TOM1: variants seen among roughly 807,000 people sequenced by gnomAD.
TOM1 encodes the protein target of Myb protein 1.
A neutral mutation model predicts 61.3 loss-of-function variants in TOM1; 38 were observed. The observed-to-expected ratio is 0.62, with a 90% CI of 0.48 to 0.81. TOM1 has a LOEUF of 0.81. TOM1 is among the 40% of genes least tolerant of loss of function. The probability of loss-of-function intolerance (pLI) is 0.00; values close to 1 mark genes in which losing one functional copy is unlikely to be tolerated. For synonymous variants in TOM1, 270 were observed against 268.8 expected (o/e 1.00, Z -0.04); for missense variants, 591 against 659.6 (o/e 0.90, Z 1.14).
At position 35,322,874 on chromosome 22, in the gene TOM1, C is replaced by A. The variant is rs1326776179; in HGVS notation, c.217-154C>A. 3.3e-6 allele frequency: 3 copies of A among 906,626 alleles called. No individual in the cohort carries two copies. The East Asian group carries it at 8.0e-5, about 24-fold the overall frequency. The allele number at this position is 906,626 out of a possible 1,614,324, so 56.2% of individuals were successfully genotyped here. A position where few individuals can be genotyped will look rare whatever the true frequency, so the allele number is the denominator to read the frequency against. On this transcript the variant is annotated intron_variant, in intron 3 of 14. Coordinates refer to ENST00000449058, the MANE Select transcript of TOM1 (RefSeq NM_005488.3). ...ACAAGTCCCCCAGTCCTGGCATTGT[C>A]CCAGTCCTCCACATTCAAGGGTCTC...
chr22:35,331,168 T>A (rs915418613), intron 8 of TOM1: 25 of 358,092 alleles, frequency 7.0e-5, no homozygotes, highest in African/African-American at 5.6e-4. Context: ...TGATCACAGC[T>A]CACTGCAGCC....
In TOM1 at chr22:35,330,471, G is replaced by A. The variant is rs191996137; in HGVS notation, c.890G>A (p.Arg297His). The stretch of plus-strand genomic sequence containing the variant: ...GACAATCTCAACAATGTGTTCCTGC[G>A]CCATGAACGGTAGCCCCAGCACCTC... ...VNDNLNNVFLRHERFERFRTG... is the reference protein window; with the variant it reads ...VNDNLNNVFLHHERFERFRTG... The change falls in exon 8 of 15, where the codon CGC (arginine) becomes CAC (histidine). Residue 297 changes from arginine (R) to histidine (H), a missense_variant. Coordinates refer to ENST00000449058, the MANE Select transcript of TOM1 (RefSeq NM_005488.3). The A allele has an allele frequency of 3.2e-5, 52 of 1,611,174 alleles. No individual in the cohort carries two copies. Among genetic ancestry groups the A allele is most frequent in the East Asian group, 1.1e-4 (5 of 44,694 alleles).
chr22:35,313,006 G>A (rs948486065), intron 1 of TOM1, among the ~76,000 whole-genome samples: 3 of 152,138 alleles, frequency 2.0e-5, no homozygotes, highest in Non-Finnish European at 2.9e-5. Flanking sequence ...GGATGGGAGC[G>A]AGCGGGCTCC....
chr22:35,333,323 C>A, intron 9 of TOM1, 81 bp from the exon 10 acceptor site: 2 of 1,342,806 alleles, frequency 1.5e-6, no homozygotes, highest in East Asian at 2.3e-5. Context: ...CTGGGCAAAG[C>A]CTGCAAGCCA....
intron 1 of TOM1, among the ~76,000 whole-genome samples, chr22:35,301,196 C>T (rs1039241025): frequency 1.3e-5 from 2 of 152,162 alleles, no homozygotes; most frequent in African/African-American, 4.8e-5. Flanking sequence ...CACTGTACTC[C>T]AGCCTGGACG....
chr22:35,317,590 C>T (rs190906500), intron 1 of TOM1, among the ~76,000 whole-genome samples: 24 of 152,320 alleles, frequency 1.6e-4, no homozygotes, highest in Non-Finnish European at 3.1e-4. Flanking sequence ...CGGAGGCCCA[C>T]CTAGATTCCC....
chr22:35,322,959 G>C lies in TOM1; in HGVS notation c.217-69G>C, dbSNP rs754908920. ...CTCTCTGGGACACAGGAGGAGCCAC[G>C]AGGGTGGGGGTTCTGAGCACCTCCT... On this transcript the variant is annotated intron_variant, in intron 3 of 14. Coordinates refer to ENST00000449058, the MANE Select transcript of TOM1 (RefSeq NM_005488.3). 1.9e-6 allele frequency: 3 copies of C among 1,575,072 alleles called. No individual in the cohort carries two copies. The African/African-American group carries it at 4.1e-5, about 21-fold the overall frequency.
At chr22:35,343,587 TAC>T (rs1450588694) in intron 12 of TOM1, among the ~76,000 whole-genome samples, 1 of 73,912 alleles carries the variant, frequency 1.4e-5, no homozygotes, top group East Asian at 5.4e-4. Flanking sequence ...CTCATACACC[TAC>T]ACACACCCCT....
intron 7 of TOM1, among the ~76,000 whole-genome samples, chr22:35,329,521 C>A (rs1296961476): frequency 6.6e-6 from 1 of 152,216 alleles, no homozygotes; most frequent in Non-Finnish European, 1.5e-5. Flanking sequence ...CTTTGCATCT[C>A]TTCTGTAAAT....
intron 1 of TOM1, among the ~76,000 whole-genome samples, chr22:35,314,319 G>A (rs553441637): frequency 3.9e-5 from 6 of 151,976 alleles, no homozygotes; most frequent in Non-Finnish European, 8.8e-5. Flanking sequence ...TTCTCGTTTA[G>A]GCCACATATC....
At chr22:35,340,964 G>A (rs1308525151) in intron 12 of TOM1, among the ~76,000 whole-genome samples, 1 of 152,210 alleles carries the variant, frequency 6.6e-6, no homozygotes, top group Non-Finnish European at 1.5e-5. Context: ...CACCCAGTGG[G>A]CAACAAGAGA....
intron 1 of TOM1, among the ~76,000 whole-genome samples, chr22:35,311,631 A>G (rs1926833756): frequency 6.6e-6 from 1 of 152,232 alleles, no homozygotes; most frequent in Non-Finnish European, 1.5e-5. Flanking sequence ...GGTGGGCCCC[A>G]GAAGGTCTGC....
Position 35,336,320 on chromosome 22 carries a change from T to C in TOM1, c.1148+1872T>C, listed in dbSNP as rs1601707582. ...ATGCTTCTGGTGGATCTTCCAGCTC[T>C]GGTCACCTGACTGGCCTTTTCTGCC... On this transcript the variant is annotated intron_variant, in intron 11 of 14. Transcript: ENST00000449058. Among the ~76,000 whole-genome samples, 3 of 152,266 alleles carry C rather than the reference T, an allele frequency of 2.0e-5. No individual in the cohort carries two copies. In the East Asian group the frequency reaches 5.8e-4, roughly 29 times the overall value.
intron 11 of TOM1, among the ~76,000 whole-genome samples, chr22:35,337,679 G>A (rs1277104881): frequency 6.6e-6 from 1 of 152,244 alleles, no homozygotes; most frequent in Non-Finnish European, 1.5e-5. Flanking sequence ...TAAATGTGAT[G>A]CAGTCCCAGT....
chr22:35,316,621 C>T (rs138781), intron 1 of TOM1, among the ~76,000 whole-genome samples: 76,336 of 152,128 alleles, frequency 0.5, 22,675 homozygotes, highest in Non-Finnish European at 0.66. Context: ...ACTCTGCAGC[C>T]GACTCCCGGC....
rs111396171 is a variant in TOM1, at chr22:35,322,247, G to A, written c.216+210G>A. On this transcript the variant is annotated intron_variant, in intron 3 of 14. Coordinates refer to ENST00000449058, the MANE Select transcript of TOM1 (RefSeq NM_005488.3). The stretch of plus-strand genomic sequence containing the variant: ...AGGTTCTCCCCAATCCCCCAGCATG[G>A]GAACAGACGCTTACATCACTCCAGA... 533 of 568,754 alleles carry A rather than the reference G, an allele frequency of 9.4e-4. 5 individuals are homozygous for A. Among genetic ancestry groups the A allele is most frequent in the African/African-American group, 9.0e-3 (481 of 53,310 alleles). 35.2% of individuals were successfully genotyped at this position (568,754 alleles called of 1,614,324 possible). A position where few individuals can be genotyped will look rare whatever the true frequency, so the allele number is the denominator to read the frequency against.
At chr22:35,332,954 A>G (rs765662954) in intron 8 of TOM1, 27 bp from the exon 9 acceptor site, 5 of 1,613,914 alleles carry the variant, frequency 3.1e-6, no homozygotes, top group Non-Finnish European at 4.2e-6. Context: ...GTCTGTCTCC[A>G]TAACTCGTGT....
chr22:35,320,903 G>T (rs1927709474), intron 2 of TOM1, among the ~76,000 whole-genome samples: 1 of 151,412 alleles, frequency 6.6e-6, no homozygotes. Context: ...GATCACTTGA[G>T]CCCAGGAGTT....
intron 6 of TOM1, among the ~76,000 whole-genome samples, chr22:35,326,639 A>T (rs1928331253): frequency 6.6e-6 from 1 of 152,098 alleles, no homozygotes; most frequent in African/African-American, 2.4e-5. Context: ...AGCCCAGTCC[A>T]CTAGGAGGAG....
Sources: allele counts gnomAD v4.1 joint callset (sites outside exome capture counted in the v4.1 genomes callset), GRCh38; gene constraint gnomAD v4.1.1; transcripts MANE v1.5; gene names NCBI Gene and HGNC (gene_info 2026-07-23, HGNC 2026-07-21).